ZCCHC24: variants seen among roughly 807,000 people sequenced by gnomAD.
The protein encoded by ZCCHC24 is zinc finger CCHC domain-containing protein 24.
Under a neutral mutation model 26.2 loss-of-function variants are expected in ZCCHC24, and 10 were observed. That is an observed-to-expected ratio of 0.38 (90% CI 0.24 to 0.65). The LOEUF (loss-of-function observed/expected upper bound fraction) is 0.65. Ranked by LOEUF, ZCCHC24 falls within the 30% of genes least tolerant of loss-of-function variation. The pLI, the probability that ZCCHC24 is intolerant of heterozygous loss-of-function variation, is 0.54. For missense variants in ZCCHC24, 243 were observed against 329.1 expected (o/e 0.74, Z 2.03); for synonymous variants, 144 against 147.1 (o/e 0.98, Z 0.15).
chr10:79,437,383 T>C (rs556751653), intron 1 of ZCCHC24, among the ~76,000 whole-genome samples: 11 of 152,204 alleles, frequency 7.2e-5, no homozygotes, highest in Non-Finnish European at 1.5e-4. Context: ...CGGTGTGTCA[T>C]ATATTTGACT....
At chr10:79,391,262 G>T (rs1431894028) in intron 3 of ZCCHC24, among the ~76,000 whole-genome samples, 1 of 152,168 alleles carries the variant, frequency 6.6e-6, no homozygotes, top group East Asian at 1.9e-4. Flanking sequence ...GGAGATGGGG[G>T]ACAGGTGGTC....
intron 3 of ZCCHC24, among the ~76,000 whole-genome samples, chr10:79,392,396 ACT>A (rs1856490778): frequency 6.6e-6 from 1 of 151,966 alleles, no homozygotes; most frequent in Non-Finnish European, 1.5e-5. Context: ...TCTCCCATTC[ACT>A]GAGAAAACAG....
intron 2 of ZCCHC24, among the ~76,000 whole-genome samples, chr10:79,430,247 T>C (rs1857106982): frequency 6.6e-6 from 1 of 152,140 alleles, no homozygotes; most frequent in Non-Finnish European, 1.5e-5. Flanking sequence ...AGCCTCTGTC[T>C]GTCCTCCCAC....
At chr10:79,444,209 C>G in intron 1 of ZCCHC24, 1 of 1,506,440 alleles carries the variant, frequency 6.6e-7, no homozygotes, top group Non-Finnish European at 8.9e-7. Context: ...AAGTGAAGGC[C>G]ACAGATGGGT....
intron 3 of ZCCHC24, among the ~76,000 whole-genome samples, chr10:79,392,059 G>A (rs953110927): frequency 2.0e-5 from 3 of 151,764 alleles, no homozygotes; most frequent in East Asian, 2.0e-4. Context: ...CCTCTCCACC[G>A]GTCCCGTCTA....
intron 2 of ZCCHC24, among the ~76,000 whole-genome samples, chr10:79,423,040 C>T (rs1242775562): frequency 1.3e-5 from 2 of 152,198 alleles, no homozygotes; most frequent in Admixed American, 6.5e-5. Flanking sequence ...CCCACGTCAA[C>T]ATCAGGATCC....
Position 79,433,479 on chromosome 10 carries a change from C to T in ZCCHC24, c.247-721G>A, listed in dbSNP as rs1166985382. Among the ~76,000 whole-genome samples, 4 of 152,242 alleles carry T rather than the reference C, an allele frequency of 2.6e-5. No individual in the cohort carries two copies. The East Asian group carries it at 7.7e-4, about 29-fold the overall frequency. ...TTCAAAGCAGACGTGGCCCAGGCCC[C>T]CTCCTGGTATATACAGCCTCTATTT... is the stretch of plus-strand genomic sequence containing the variant. On this transcript the variant is annotated intron_variant, in intron 1 of 3. Transcript: ENST00000372336.
At chr10:79,427,486 A>G (rs1857047318) in intron 2 of ZCCHC24, among the ~76,000 whole-genome samples, 1 of 152,320 alleles carries the variant, frequency 6.6e-6, no homozygotes, top group African/African-American at 2.4e-5. Flanking sequence ...ATAATATAAA[A>G]TATCTTCTAT....
At chr10:79,414,331 G>T (rs1207834744) in intron 2 of ZCCHC24, among the ~76,000 whole-genome samples, 1 of 152,208 alleles carries the variant, frequency 6.6e-6, no homozygotes, top group Non-Finnish European at 1.5e-5. Flanking sequence ...TTTTAGAGAA[G>T]AATAATAACT....
chr10:79,418,370 A>T (rs950938266), intron 2 of ZCCHC24, among the ~76,000 whole-genome samples: 2 of 152,136 alleles, frequency 1.3e-5, no homozygotes, highest in Non-Finnish European at 2.9e-5. Context: ...CAGCCCTGGG[A>T]TGAGAGCTCG....
chr10:79,397,527 C>T (rs1856562514), intron 2 of ZCCHC24, among the ~76,000 whole-genome samples: 1 of 152,198 alleles, frequency 6.6e-6, no homozygotes, highest in Non-Finnish European at 1.5e-5. Context: ...CTATCACAAC[C>T]CCTCATCTTC....
rs142360500 is a variant in ZCCHC24 at position 79,405,630 on chromosome 10, A to C, written c.448-11190T>G. ...TGAAGGCGTCCCTGGCAAGGCCTGG[A>C]TAGACATGGCCGTGACCAGCCCAGC... On this transcript the variant is annotated intron_variant, in intron 2 of 3. Transcript: ENST00000372336. Among the ~76,000 whole-genome samples the C allele has an allele frequency of 2.5e-3, 378 of 152,308 alleles. 1 individual carries two copies. Among genetic ancestry groups the C allele is most frequent in the African/African-American group, 8.5e-3 (354 of 41,568 alleles).
chr10:79,442,778 A>C (rs1184943643), intron 1 of ZCCHC24, among the ~76,000 whole-genome samples: 1 of 151,992 alleles, frequency 6.6e-6, no homozygotes, highest in Non-Finnish European at 1.5e-5. Context: ...GCCAGTTGCT[A>C]TTTTGGAGCC....
chr10:79,402,425 G>A (rs761773112), intron 2 of ZCCHC24, among the ~76,000 whole-genome samples: 5 of 152,148 alleles, frequency 3.3e-5, no homozygotes, highest in African/African-American at 7.2e-5. Flanking sequence ...ATAGGTGCCC[G>A]CCACCACGCC....
chr10:79,393,037 C>T (rs898826695), intron 3 of ZCCHC24, among the ~76,000 whole-genome samples: 1 of 152,158 alleles, frequency 6.6e-6, no homozygotes, highest in Non-Finnish European at 1.5e-5. Context: ...CCCTGGTTCT[C>T]CTTCTCCTTA....
chr10:79,389,528 T>TTGTG (rs1564631249), intron 3 of ZCCHC24, among the ~76,000 whole-genome samples: 2 of 65,196 alleles, frequency 3.1e-5, no homozygotes, highest in South Asian at 5.4e-4. Flanking sequence ...GACTTTTTCC[T>TTGTG]AGTGTGTGTG....
chr10:79,396,772 C>T (rs1171677160), intron 2 of ZCCHC24, among the ~76,000 whole-genome samples: 1 of 152,230 alleles, frequency 6.6e-6, no homozygotes, highest in Non-Finnish European at 1.5e-5. Flanking sequence ...CCTTGGGGAA[C>T]TGCCCATTTA....
At chr10:79,420,164 C>CGGCACTGG (rs1856918204) in intron 2 of ZCCHC24, among the ~76,000 whole-genome samples, 1 of 151,704 alleles carries the variant, frequency 6.6e-6, no homozygotes, top group African/African-American at 2.4e-5. Context: ...AGCCCACAGG[C>CGGCACTGG]GGCACTGGGC....
chr10:79,412,814 T>A (rs1856809763), intron 2 of ZCCHC24, among the ~76,000 whole-genome samples: 2 of 152,214 alleles, frequency 1.3e-5, no homozygotes, highest in Admixed American at 6.5e-5. Context: ...TGAGCCTTGG[T>A]TTCCCCCGTG....
Sources: allele counts gnomAD v4.1 joint callset (sites outside exome capture counted in the v4.1 genomes callset), GRCh38; gene constraint gnomAD v4.1.1; transcripts MANE v1.5; gene names NCBI Gene and HGNC (gene_info 2026-07-23, HGNC 2026-07-21).